The following RAF1 variants were observed in gnomAD, a reference collection of about 807,000 sequenced individuals.
RAF1 encodes the protein RAF proto-oncogene serine/threonine-protein kinase.
Under a neutral mutation model 81.1 loss-of-function variants are expected in RAF1, and 27 were observed. That is an observed-to-expected ratio of 0.33 (90% CI 0.25 to 0.46). The LOEUF (loss-of-function observed/expected upper bound fraction) is 0.46, where lower values mean the gene tolerates loss of function less well. Ranked by LOEUF, RAF1 falls within the 20% of genes least tolerant of loss-of-function variation. The probability of loss-of-function intolerance (pLI) is 1.00; values close to 1 mark genes in which losing one functional copy is unlikely to be tolerated. For synonymous variants in RAF1, 298 were observed against 294.0 expected, an observed-to-expected ratio of 1.01 and a Z score of -0.14; for missense variants, 598 against 826.0, an observed-to-expected ratio of 0.72 and a Z score of 3.38.
chr3:12,635,109 T>C (rs1385246697), intron 1 of RAF1, among the ~76,000 whole-genome samples: 1 of 151,888 alleles, frequency 6.6e-6, no homozygotes, highest in Non-Finnish European at 1.5e-5. Flanking sequence ...GTGAATTGCA[T>C]GAGCTCATGA....
chr3:12,627,021 CAAAAAAAAAA>C (rs34692000), intron 1 of RAF1, among the ~76,000 whole-genome samples: 2,230 of 77,068 alleles, frequency 0.029, 66 homozygotes, highest in African/African-American at 0.086. Context: ...GACTCTGTCT[CAAAAAAAAAA>C]AAAAAAAAGA....
chr3:12,587,875 T>C (rs2058379091), intron 13 of RAF1: 1 of 361,402 alleles, frequency 2.8e-6, no homozygotes, highest in Non-Finnish European at 4.9e-6. Flanking sequence ...GTGCAGTCAA[T>C]AGCTTACTGC....
intron 1 of RAF1, among the ~76,000 whole-genome samples, chr3:12,631,671 G>C (rs2059865509): frequency 6.6e-6 from 1 of 152,212 alleles, no homozygotes; most frequent in African/African-American, 2.4e-5. Flanking sequence ...CTAACACAGA[G>C]TAAACGATAC....
At position 12,618,856 on chromosome 3, in the gene RAF1, A is replaced by G. The variant is rs1203733181; in HGVS notation, c.-26-109T>C. 6.0e-6 allele frequency: 5 copies of G among 836,120 alleles called. No individual in the cohort carries two copies. The African/African-American group carries it at 8.4e-5, about 14-fold the overall frequency. 51.8% of individuals were successfully genotyped at this position (836,120 alleles called of 1,614,324 possible). Reference sequence around the variant, plus strand: ...TAGCACTATGTGGGTTTTTAATGATACCTCCTGCATTCATCAGCAAAGAAA... The same window carrying G: ...TAGCACTATGTGGGTTTTTAATGATGCCTCCTGCATTCATCAGCAAAGAAA... On this transcript the variant is annotated intron_variant, in intron 1 of 17. Transcript: ENST00000442415.
intron 14 of RAF1, chr3:12,587,238 C>G (rs1480642113): frequency 9.8e-6 from 3 of 306,906 alleles, no homozygotes; most frequent in Non-Finnish European, 1.8e-5. Context: ...TGGCCACAAA[C>G]TAGAAATAAA....
rs575590448 is a variant in RAF1, at chr3:12,658,833, C to T, written c.-27+4980G>A. On this transcript the variant is annotated intron_variant, in intron 1 of 17. Coordinates refer to ENST00000442415, the MANE Select transcript of RAF1 (RefSeq NM_001354689.3). ...ATGTACACTGATTGGAATGTGATGC[C>T]AATTAACATACTTTGTGAGTAATTT... is the stretch of plus-strand genomic sequence containing the variant. Among the ~76,000 whole-genome samples, 4 of 152,070 alleles carry T rather than the reference C, an allele frequency of 2.6e-5. No individual in the cohort carries two copies. In the South Asian group the frequency reaches 8.3e-4, roughly 31 times the overall value.
intron 1 of RAF1, among the ~76,000 whole-genome samples, chr3:12,648,518 AGAG>A (rs1428974970): frequency 1.3e-5 from 2 of 152,194 alleles, no homozygotes; most frequent in African/African-American, 2.4e-5. Flanking sequence ...CTCATTTGGC[AGAG>A]GAGATGTGTC....
At chr3:12,613,391 AGCCAGCCAACCGCTCCCCCACCCC>A (rs2059275294) in intron 2 of RAF1, among the ~76,000 whole-genome samples, 1 of 152,126 alleles carries the variant, frequency 6.6e-6, no homozygotes. Context: ...AGCTGACAGC[AGCCAGCCAACCGCTCCCCCACCCC>A]GCCATCCCCC....
chr3:12,628,218 C>T (rs578004012), intron 1 of RAF1, among the ~76,000 whole-genome samples: 3 of 152,234 alleles, frequency 2.0e-5, no homozygotes, highest in African/African-American at 4.8e-5. Flanking sequence ...CCCTGCACTT[C>T]GGGAGACCGA....
chr3:12,591,583 G>C, intron 12 of RAF1, 125 bp downstream of exon 11: 2 of 802,038 alleles, frequency 2.5e-6, no homozygotes, highest in South Asian at 2.9e-5. Flanking sequence ...TCCAACCACA[G>C]AAACTCCACA....
At chr3:12,597,149 C>T (rs1246367171) in intron 11 of RAF1, among the ~76,000 whole-genome samples, 1 of 151,906 alleles carries the variant, frequency 6.6e-6, no homozygotes, top group African/African-American at 2.4e-5. Flanking sequence ...CCACCCACCT[C>T]GGCCTCCCAA....
At chr3:12,599,469 G>A (rs2058788372) in intron 11 of RAF1, among the ~76,000 whole-genome samples, 1 of 152,160 alleles carries the variant, frequency 6.6e-6, no homozygotes. Flanking sequence ...TTTGATTATA[G>A]GGCTCAAGTC....
chr3:12,639,724 G>A (rs574173851), intron 1 of RAF1, among the ~76,000 whole-genome samples: 6 of 152,002 alleles, frequency 3.9e-5, no homozygotes, highest in Admixed American at 1.3e-4. Context: ...AATAAAAGAG[G>A]ACACAAATGG....
intron 1 of RAF1, among the ~76,000 whole-genome samples, chr3:12,647,289 C>T (rs781511963): frequency 7.0e-5 from 6 of 85,372 alleles, no homozygotes; most frequent in Non-Finnish European, 1.3e-4. Context: ...GAGCGAGACT[C>T]CATCTCAAAA....
chr3:12,633,623 CTT>C (rs971355591), intron 1 of RAF1, among the ~76,000 whole-genome samples: 2 of 122,864 alleles, frequency 1.6e-5, no homozygotes, highest in African/African-American at 6.6e-5. Flanking sequence ...ATTCTATAAA[CTT>C]TTACAGTTAA....
rs1235446966 is a variant in RAF1 at position 12,613,950 on chromosome 3, G to T, written c.208-1888C>A. Among the ~76,000 whole-genome samples, 3 of 152,170 alleles carry T rather than the reference G, an allele frequency of 2.0e-5. 1 individual carries two copies. The East Asian group carries it at 5.8e-4, about 29-fold the overall frequency. ...GTGGGGAAGGAATATTCTCCAGGAG[G>T]ATCAATCATCTGGGAGAAGGAAAAG... is the stretch of plus-strand genomic sequence containing the variant. On this transcript the variant is annotated intron_variant, in intron 2 of 17. Transcript: ENST00000442415.
Position 12,600,394 on chromosome 3 carries a change from C to G in RAF1, c.916G>C (p.Glu306Gln), listed in dbSNP as rs147453956. The G allele has an allele frequency of 2.5e-6, 4 of 1,613,994 alleles. No individual in the cohort carries two copies. The African/African-American group carries it at 5.3e-5, about 22-fold the overall frequency. Residue 306 changes from glutamate to glutamine, a missense_variant, in exon 9 of 18, where the codon GAA becomes CAA. By Grantham distance (29) the Glu-to-Gln change is conservative. Transcript: ENST00000442415. ...AATGACTATGGAAAAGTACCTGATT[C>G]GCTGTGACTTCGAATTGCATCCTGA...
chr3:12,659,452 G>A (rs115962305), intron 1 of RAF1, among the ~76,000 whole-genome samples: 4,461 of 42,022 alleles, frequency 0.11, 315 homozygotes, highest in African/African-American at 0.28. Context: ...AAAATTACAC[G>A]CAAGATAAGT....
chr3:12,613,674 A>T (rs1433158045), intron 2 of RAF1, among the ~76,000 whole-genome samples: 1 of 152,236 alleles, frequency 6.6e-6, no homozygotes, highest in Non-Finnish European at 1.5e-5. Context: ...ACTAGGGCAT[A>T]GTATGTGGAT....
Sources: gnomAD v4.1 joint callset for allele counts (sites outside exome capture counted in the v4.1 genomes callset) on GRCh38, gnomAD v4.1.1 for gene constraint, MANE v1.5 for transcripts, NCBI Gene and HGNC (gene_info 2026-07-23, HGNC 2026-07-21) for gene names.